The following ADAMTS9 variants were observed in gnomAD, a reference collection of about 807,000 sequenced individuals.
The protein encoded by ADAMTS9 is A disintegrin and metalloproteinase with thrombospondin motifs 9.
In ADAMTS9, 107 loss-of-function variants were observed where a neutral mutation model predicts 257.1. The observed-to-expected ratio is 0.42, with a 90% confidence interval of 0.36 to 0.49. The LOEUF (loss-of-function observed/expected upper bound fraction) is 0.49, where lower values mean the gene tolerates loss of function less well. ADAMTS9 is among the 20% of genes least tolerant of loss of function. ADAMTS9 has a pLI of 0.03. For synonymous variants in ADAMTS9, 982 were observed against 880.9 expected, an observed-to-expected ratio of 1.11 and a Z score of -2.03; for missense variants, 2,353 against 2,469.1, an observed-to-expected ratio of 0.95 and a Z score of 1.00.
At chr3:64,604,399 T>C (rs1036247798) in intron 23 of ADAMTS9, 68 bp from the exon 24 acceptor site, 2 of 1,164,460 alleles carry the variant, frequency 1.7e-6, no homozygotes, top group Non-Finnish European at 2.4e-6. Context: ...GTAATGGTCA[T>C]GGTGGATAAA....
intron 28 of ADAMTS9, among the ~76,000 whole-genome samples, chr3:64,579,103 C>T (rs1165344356): frequency 6.6e-6 from 1 of 152,186 alleles, no homozygotes; most frequent in African/African-American, 2.4e-5. Context: ...GGCTAACCCT[C>T]CTTCCTCTAC....
chr3:64,553,514 T>C (rs772254792), intron 30 of ADAMTS9, among the ~76,000 whole-genome samples: 81 of 152,298 alleles, frequency 5.3e-4, no homozygotes, highest in Admixed American at 2.7e-3. Context: ...TGAACATTCA[T>C]GTACAAATTT....
chr3:64,531,653 A>G (rs890171740), intron 38 of ADAMTS9, among the ~76,000 whole-genome samples: 1 of 152,040 alleles, frequency 6.6e-6, no homozygotes, highest in Non-Finnish European at 1.5e-5. Context: ...TTTTTGCAAA[A>G]CCAGGGTCTC....
rs760995046 is a variant in ADAMTS9 at position 64,604,082 on chromosome 3, G to C, written c.3587C>G (p.Ala1196Gly). ...WRFGSWTPCS[A>G]TCGKGTRMRY... The stretch of plus-strand genomic sequence containing the variant: ...CATCCGGGTACCTTTCCCACAAGTG[G>C]CTGAGCACTGGGTGTTGGAGTAAAA... The change falls in exon 25 of 40, where the codon GCC becomes GGC. Residue 1196 changes from alanine (A) to glycine (G), a missense_variant. By Grantham distance (60) the Ala-to-Gly change is moderately conservative. Transcript: ENST00000498707. 2 of 1,614,018 alleles carry C rather than the reference G, an allele frequency of 1.2e-6. No individual in the cohort carries two copies.
chr3:64,685,953 CCCCG>C (rs1701893705), intron 2 of ADAMTS9, among the ~76,000 whole-genome samples: 1 of 152,218 alleles, frequency 6.6e-6, no homozygotes, highest in South Asian at 2.1e-4. Context: ...CCGCCTTCTC[CCCCG>C]CCCCCAGAGC....
chr3:64,602,353 C>G, intron 25 of ADAMTS9, 140 bp from the exon 26 acceptor site: 1 of 872,040 alleles, frequency 1.1e-6, no homozygotes, highest in Non-Finnish European at 1.7e-6. Flanking sequence ...CTTGTCTCCT[C>G]TTTTTTTCCC....
chr3:64,603,833 A>C (rs991016295), intron 25 of ADAMTS9, 89 bp downstream of exon 25: 1 of 1,403,280 alleles, frequency 7.1e-7, no homozygotes, highest in South Asian at 1.3e-5. Context: ...ACCCATTGAC[A>C]TTTCCAAGTG....
chr3:64,552,575 C>CTT (rs113655800), intron 30 of ADAMTS9, among the ~76,000 whole-genome samples: 6,902 of 139,226 alleles, frequency 0.05, 979 homozygotes, highest in Admixed American at 0.29. Context: ...CTTTTCTTTC[C>CTT]TTTTTTTTTT....
At chr3:64,570,695 CAAAAAAAAAAA>C (rs143048322) in intron 28 of ADAMTS9, among the ~76,000 whole-genome samples, 2 of 47,072 alleles carry the variant, frequency 4.2e-5, no homozygotes, top group African/African-American at 6.7e-5. Context: ...GACTCCGTCT[CAAAAAAAAAAA>C]AAAAAAAAAA....
chr3:64,598,984 T>A (rs762791868), intron 26 of ADAMTS9, among the ~76,000 whole-genome samples: 2 of 152,106 alleles, frequency 1.3e-5, no homozygotes, highest in Non-Finnish European at 2.9e-5. Context: ...CATGGTATTC[T>A]CTCTCCAATA....
At chr3:64,635,369 T>A (rs961596860) in intron 12 of ADAMTS9, among the ~76,000 whole-genome samples, 3 of 152,228 alleles carry the variant, frequency 2.0e-5, no homozygotes, top group Non-Finnish European at 4.4e-5. Context: ...TGCTGTGTAC[T>A]TAAAAGGCTT....
At chr3:64,580,646 T>C (rs998690879) in intron 28 of ADAMTS9, among the ~76,000 whole-genome samples, 2 of 152,156 alleles carry the variant, frequency 1.3e-5, no homozygotes, top group South Asian at 2.1e-4. Flanking sequence ...CAGTCCAAAT[T>C]TGAGTTTCTT....
chr3:64,538,184 G>A (rs1289198619), intron 37 of ADAMTS9, among the ~76,000 whole-genome samples: 1 of 152,148 alleles, frequency 6.6e-6, no homozygotes, highest in Admixed American at 6.5e-5. Flanking sequence ...ATGGATATTC[G>A]TTAACCTGTC....
intron 11 of ADAMTS9, among the ~76,000 whole-genome samples, chr3:64,646,875 A>G (rs1269325572): frequency 5.9e-5 from 9 of 151,980 alleles, no homozygotes; most frequent in African/African-American, 2.2e-4. Context: ...GCACCAAATG[A>G]TCTGAGTGAC....
intron 3 of ADAMTS9, among the ~76,000 whole-genome samples, chr3:64,659,520 C>CTA (rs1432807525): frequency 6.6e-6 from 1 of 151,076 alleles, no homozygotes; most frequent in African/African-American, 2.4e-5. Context: ...ATCACTCCTG[C>CTA]TATTCAATGA....
At chr3:64,535,711 G>A (rs527574428) in intron 37 of ADAMTS9, among the ~76,000 whole-genome samples, 25 of 151,664 alleles carry the variant, frequency 1.6e-4, no homozygotes, top group African/African-American at 5.3e-4. Flanking sequence ...GCACCACCAC[G>A]CCCAGCTAAT....
intron 8 of ADAMTS9, among the ~76,000 whole-genome samples, chr3:64,652,585 T>C (rs773811450): frequency 6.6e-6 from 1 of 152,174 alleles, no homozygotes; most frequent in African/African-American, 2.4e-5. Flanking sequence ...AAGTCAAGTT[T>C]ATTACCTCAT....
intron 25 of ADAMTS9, 90 bp downstream of exon 25, chr3:64,603,832 C>T (rs2084508119): frequency 7.2e-7 from 1 of 1,381,436 alleles, no homozygotes; most frequent in Non-Finnish European, 1.0e-6. Flanking sequence ...TACCCATTGA[C>T]ATTTCCAAGT....
Position 64,633,517 on chromosome 3 carries a change from A to C in ADAMTS9, c.2130T>G (p.Pro710=). The C allele has an allele frequency of 6.2e-7, 1 of 1,614,118 alleles. No individual in the cohort carries two copies. Among genetic ancestry groups the C allele is most frequent in the East Asian group, 2.2e-5 (1 of 44,850 alleles). Residue 710 remains proline (P), a synonymous_variant, in exon 14 of 40, where the codon CCT becomes CCG. Coordinates refer to ENST00000498707, the MANE Select transcript of ADAMTS9 (RefSeq NM_182920.2). Reference sequence around the variant, plus strand: ...AGATATCATTTGTGTCCTGGCCACAAGGAGTTCCATCTATCACTCTGTCTC... The same window carrying C: ...AGATATCATTTGTGTCCTGGCCACACGGAGTTCCATCTATCACTCTGTCTC... ...QLRDRVIDGT[P]CGQDTNDICV...
Sources: allele counts gnomAD v4.1 joint callset (sites outside exome capture counted in the v4.1 genomes callset), GRCh38; gene constraint gnomAD v4.1.1; transcripts MANE v1.5; gene names NCBI Gene and HGNC (gene_info 2026-07-23, HGNC 2026-07-21).